Variants in HAUS3 observed in about 807,000 individuals in gnomAD.
HAUS3 encodes HAUS augmin-like complex subunit 3.
A neutral mutation model predicts 55.2 loss-of-function variants in HAUS3; 36 were observed. That is an observed-to-expected ratio of 0.65 (90% CI 0.50 to 0.86). The LOEUF is 0.86. Ranked by LOEUF, HAUS3 falls within the 40% of genes least tolerant of loss-of-function variation. HAUS3 has a pLI of 0.00. For missense variants in HAUS3, 752 were observed against 671.5 expected, an observed-to-expected ratio of 1.12 and a Z score of -1.33; for synonymous variants, 234 against 238.6, an observed-to-expected ratio of 0.98 and a Z score of 0.18.
At chr4:2,232,425 C>T (rs746937328) in intron 5 of HAUS3, among the ~76,000 whole-genome samples, 1 of 152,150 alleles carries the variant, frequency 6.6e-6, no homozygotes, top group Non-Finnish European at 1.5e-5. Context: ...CTGTTCTGTG[C>T]ATTCATATAT....
chr4:2,240,150 T>C lies in HAUS3; in HGVS notation c.797A>G (p.Gln266Arg), dbSNP rs774847590. ...ATGTTGAGCACAAATGTATGCGAGC[T>C]GCAGTCTAGCCATCTCTAGTCGTCT... The part of the protein sequence containing the change: ...EERRLEMARL[Q>R]LAYICAQHQL... Residue 266 changes from glutamine (Q) to arginine (R), a missense_variant, in exon 3 of 6, where the codon CAG (glutamine) becomes CGG (arginine). Physicochemically the swap from Gln to Arg is conservative, Grantham distance 43 (BLOSUM62 1). Coordinates refer to ENST00000443786, the MANE Select transcript of HAUS3 (RefSeq NM_001303143.2). The C allele has an allele frequency of 3.5e-5, 57 of 1,613,894 alleles. No individual in the cohort carries two copies. The highest frequency in any genetic ancestry group is 4.5e-5 in the East Asian group (2 of 44,878).
At position 2,240,152 on chromosome 4, in the gene HAUS3, C is replaced by A; in HGVS notation, c.795G>T (p.Leu265=). Residue 265 remains leucine, a synonymous_variant, in exon 3 of 6, where the codon CTG becomes CTT. Coordinates refer to ENST00000443786, the MANE Select transcript of HAUS3 (RefSeq NM_001303143.2). The part of the protein sequence containing the change: ...LEERRLEMAR[L]QLAYICAQHQ... ...GTTGAGCACAAATGTATGCGAGCTGCAGTCTAGCCATCTCTAGTCGTCTCT... is the reference window on the plus strand; with the variant it reads ...GTTGAGCACAAATGTATGCGAGCTGAAGTCTAGCCATCTCTAGTCGTCTCT... 6.2e-7 allele frequency: 1 copy of A among 1,613,678 alleles called. No homozygotes were observed. Among genetic ancestry groups the A allele is most frequent in the Admixed American group, 1.7e-5 (1 of 60,026 alleles).
chr4:2,240,170 TC>T lies in HAUS3; in HGVS notation c.776del (p.Arg259HisfsTer2). The T allele has an allele frequency of 6.2e-7, 1 of 1,614,052 alleles. No homozygotes were observed. The highest frequency in any genetic ancestry group is 8.5e-7 in the Non-Finnish European group (1 of 1,179,908). On this transcript the variant is annotated frameshift_variant, in exon 3 of 6. Transcript: ENST00000443786. LOFTEE classifies it high-confidence loss of function. ...CGAGCTGCAGTCTAGCCATCTCTAGTCGTCTCTCCTCAAGGATTTCTTGATT... is the reference window on the plus strand; with the variant it reads ...CGAGCTGCAGTCTAGCCATCTCTAGTGTCTCTCCTCAAGGATTTCTTGATT... Reference protein sequence around the residue: ...CDNQEILEERRLEMARLQLAY... With the variant: ...CDNQEILEERXLEMARLQLAY...
chr4:2,237,018 G>C (rs554485883), intron 4 of HAUS3, among the ~76,000 whole-genome samples: 1 of 151,900 alleles, frequency 6.6e-6, no homozygotes, highest in East Asian at 1.9e-4. Flanking sequence ...GTCTATTACT[G>C]AATTCCCAGT....
chr4:2,241,287 G>A (rs58845982), intron 2 of HAUS3, among the ~76,000 whole-genome samples, 194 bp from the exon 3 acceptor site: 3 of 152,098 alleles, frequency 2.0e-5, no homozygotes, highest in Non-Finnish European at 2.9e-5. Context: ...GTAACGAAAA[G>A]TAATTAACAA....
Position 2,233,232 on chromosome 4 carries a change from A to G in HAUS3, c.1579-1072T>C, listed in dbSNP as rs1480165456. Among the ~76,000 whole-genome samples, 3 of 152,332 alleles carry G rather than the reference A, an allele frequency of 2.0e-5. No individual in the cohort carries two copies. In the East Asian group the frequency reaches 5.8e-4, roughly 29 times the overall value. Reference sequence around the variant, plus strand: ...GAATATACTGAGAAACAACAATCTCATCTTTACCTTCAATTAAATACTAAA... The same window carrying G: ...GAATATACTGAGAAACAACAATCTCGTCTTTACCTTCAATTAAATACTAAA... On this transcript the variant is annotated intron_variant, in intron 5 of 5. Transcript: ENST00000443786.
chr4:2,239,970 A>C, intron 3 of HAUS3, 68 bp downstream of exon 3: 1 of 1,221,744 alleles, frequency 8.2e-7, no homozygotes, highest in Non-Finnish European at 1.2e-6. Context: ...GTACTTTAAC[A>C]GCAATATTAT....
At chr4:2,238,301 G>A (rs547865664) in intron 4 of HAUS3, among the ~76,000 whole-genome samples, 6 of 152,076 alleles carry the variant, frequency 3.9e-5, no homozygotes, top group African/African-American at 1.4e-4. Flanking sequence ...CAAACTTCCT[G>A]CCCCAAATCT....
rs1180139596 is a variant in HAUS3, at chr4:2,230,619, CAAG to C, written c.*1305_*1307del. ...TTTTTGTTCAATGGGTTTCAAAAAT[CAAG>C]AAGGTTCATCTGTCATCTAGGTATG... On this transcript the variant is annotated 3_prime_UTR_variant, in exon 6 of 6. Coordinates refer to ENST00000443786, the MANE Select transcript of HAUS3 (RefSeq NM_001303143.2). The C allele has an allele frequency of 6.6e-6, 1 of 151,656 alleles. No individual in the cohort carries two copies. 9.4% of individuals were successfully genotyped at this position (151,656 alleles called of 1,614,324 possible). A position where few individuals can be genotyped will look rare whatever the true frequency, so the allele number is the denominator to read the frequency against.
At chr4:2,239,209 G>A (rs1734882485) in intron 3 of HAUS3, among the ~76,000 whole-genome samples, 166 bp from the exon 4 acceptor site, 1 of 152,036 alleles carries the variant, frequency 6.6e-6, no homozygotes, top group South Asian at 2.1e-4. Context: ...GGAAAAATGT[G>A]GACTAAGTCA....
At chr4:2,234,962 T>A (rs1734707432) in intron 5 of HAUS3, among the ~76,000 whole-genome samples, 1 of 152,232 alleles carries the variant, frequency 6.6e-6, no homozygotes, top group Admixed American at 6.5e-5. Context: ...CTTGACTCAC[T>A]GCAAACTTTG....
chr4:2,229,436 T>C lies in HAUS3; in HGVS notation c.*2491A>G. ...AAAAGCAAAATAGCTAGAGGCTTAA[T>C]CCAGGTATCATAGTAAATAGATAAC... is the stretch of plus-strand genomic sequence containing the variant. On this transcript the variant is annotated 3_prime_UTR_variant, in exon 6 of 6. Transcript: ENST00000443786. 1 of 447,924 alleles carries C rather than the reference T, an allele frequency of 2.2e-6. No individual in the cohort carries two copies. 27.7% of individuals were successfully genotyped at this position (447,924 alleles called of 1,614,324 possible).
chr4:2,235,012 A>G (rs970517670), intron 5 of HAUS3, among the ~76,000 whole-genome samples: 3 of 152,152 alleles, frequency 2.0e-5, no homozygotes, highest in African/African-American at 7.2e-5. Context: ...CAGCCTCCCA[A>G]GTAGCTGGGA....
rs1350182752 is a variant in HAUS3 at position 2,231,882 on chromosome 4, TAAATA to T, written c.*40_*44del. 7.1e-6 allele frequency: 6 copies of T among 841,616 alleles called. No individual in the cohort carries two copies. Among genetic ancestry groups the T allele is most frequent in the Non-Finnish European group, 5.7e-6 (3 of 523,956 alleles). 52.1% of individuals were successfully genotyped at this position (841,616 alleles called of 1,614,324 possible). A position where few individuals can be genotyped will look rare whatever the true frequency, so the allele number is the denominator to read the frequency against. On this transcript the variant is annotated 3_prime_UTR_variant, in exon 6 of 6. Transcript: ENST00000443786. ...GTGTTTATTATACACAGTCTTCTAATAAATAAAAGAGGACACGTAATAAAGATTCA... is the reference window on the plus strand; with the variant it reads ...GTGTTTATTATACACAGTCTTCTAATAAAGAGGACACGTAATAAAGATTCA...
At chr4:2,238,537 A>G in intron 4 of HAUS3, 67 bp downstream of exon 4, 1 of 1,053,800 alleles carries the variant, frequency 9.5e-7, no homozygotes, top group Non-Finnish European at 1.3e-6. Context: ...TTTTAGCTCA[A>G]ACTCTCTCTA....
intron 4 of HAUS3, among the ~76,000 whole-genome samples, chr4:2,237,038 A>G (rs796311203): frequency 2.6e-5 from 4 of 152,176 alleles, no homozygotes; most frequent in African/African-American, 9.6e-5. Flanking sequence ...TTTCCCCACC[A>G]TCCAAGTTTT....
At chr4:2,241,491 C>T in intron 2 of HAUS3, 29 bp downstream of exon 2, 5 of 985,764 alleles carry the variant, frequency 5.1e-6, no homozygotes, top group Non-Finnish European at 6.0e-6. Flanking sequence ...AAGCATGGCA[C>T]ATCTTCTGAA....
intron 5 of HAUS3, among the ~76,000 whole-genome samples, chr4:2,232,687 G>A (rs1734625808): frequency 6.6e-6 from 1 of 152,004 alleles, no homozygotes; most frequent in African/African-American, 2.4e-5. Flanking sequence ...GACATTCCAC[G>A]AAAACCATCC....
Position 2,229,109 on chromosome 4 carries a change from CTT to C in HAUS3, c.*2816_*2817del. The C allele has an allele frequency of 6.2e-7, 1 of 1,602,638 alleles. No homozygotes were observed. Among genetic ancestry groups the C allele is most frequent in the Non-Finnish European group, 8.5e-7 (1 of 1,173,338 alleles). On this transcript the variant is annotated 3_prime_UTR_variant, in exon 6 of 6. Coordinates refer to ENST00000443786, the MANE Select transcript of HAUS3 (RefSeq NM_001303143.2). ...ATAAAAATTACTTACTCTCTGTACT[CTT>C]TCCCCAAGTCTTAGAATCCACTAAA...
Sources: allele counts gnomAD v4.1 joint callset (sites outside exome capture counted in the v4.1 genomes callset), GRCh38; gene constraint gnomAD v4.1.1; transcripts MANE v1.5; gene names NCBI Gene and HGNC (gene_info 2026-07-23, HGNC 2026-07-21).